The following CYSTM1 variants were observed in gnomAD, a reference collection of about 807,000 sequenced individuals.
CYSTM1 encodes cysteine rich transmembrane module containing 1.
A neutral mutation model predicts 13.1 loss-of-function variants in CYSTM1; 4 were observed. The ratio of observed to expected loss-of-function variants is 0.31; its 90% CI spans 0.15 to 0.70. The LOEUF is 0.70. Among genes scored for constraint, CYSTM1 ranks in the 30% least tolerant of loss-of-function variants. The pLI is 0.72. For synonymous variants in CYSTM1, 36 were observed against 42.7 expected (o/e 0.84, Z 0.62); for missense variants, 96 against 121.6 (o/e 0.79, Z 0.99).
At chr5:140,205,593 T>A (rs1434091367) in intron 2 of CYSTM1, among the ~76,000 whole-genome samples, 2 of 152,144 alleles carry the variant, frequency 1.3e-5, no homozygotes, top group African/African-American at 4.8e-5. Context: ...AGGTAGAGTT[T>A]TTCCAGTTCC....
chr5:140,192,180 C>T (rs563662555), intron 1 of CYSTM1, among the ~76,000 whole-genome samples: 1 of 152,296 alleles, frequency 6.6e-6, no homozygotes, highest in South Asian at 2.1e-4. Context: ...TCAAATGACA[C>T]TCTCTTGATC....
intron 2 of CYSTM1, among the ~76,000 whole-genome samples, chr5:140,197,713 T>C (rs1232686680): frequency 6.6e-6 from 1 of 152,240 alleles, no homozygotes; most frequent in African/African-American, 2.4e-5. Flanking sequence ...AGCTGAATGA[T>C]TTTAGATTTA....
At chr5:140,240,086 C>T (rs1385806461) in intron 2 of CYSTM1, among the ~76,000 whole-genome samples, 1 of 152,064 alleles carries the variant, frequency 6.6e-6, no homozygotes, top group Non-Finnish European at 1.5e-5. Flanking sequence ...TCTGAGCAGC[C>T]ACAGCAGGCA....
At chr5:140,231,999 G>A (rs1169750464) in intron 2 of CYSTM1, among the ~76,000 whole-genome samples, 3 of 152,194 alleles carry the variant, frequency 2.0e-5, no homozygotes, top group Admixed American at 6.5e-5. Context: ...AGGTACACAT[G>A]GTGATTATGG....
intron 1 of CYSTM1, among the ~76,000 whole-genome samples, chr5:140,177,078 A>AAAAACAAAAAAAC (rs1554131560): frequency 1.3e-4 from 17 of 135,614 alleles, no homozygotes; most frequent in South Asian, 2.4e-4. Flanking sequence ...CAAAAAAAAA[A>AAAAACAAAAAAAC]AAAAAAAAAT....
intron 2 of CYSTM1, among the ~76,000 whole-genome samples, chr5:140,210,121 A>T (rs1344786795): frequency 6.6e-6 from 1 of 152,092 alleles, no homozygotes; most frequent in Non-Finnish European, 1.5e-5. Flanking sequence ...TACTTTCTCA[A>T]ATCATTTTCA....
intron 2 of CYSTM1, among the ~76,000 whole-genome samples, chr5:140,242,551 G>A (rs1318089025): frequency 1.3e-5 from 2 of 152,158 alleles, no homozygotes. Context: ...TGTCCTTATG[G>A]GAAGAGAAGC....
At chr5:140,178,129 A>AG (rs1297130409) in intron 1 of CYSTM1, among the ~76,000 whole-genome samples, 2 of 152,228 alleles carry the variant, frequency 1.3e-5, no homozygotes, top group East Asian at 3.9e-4. Flanking sequence ...CTCTTTCTTA[A>AG]GGGGGACTGG....
chr5:140,179,400 A>G (rs1374948939), intron 1 of CYSTM1, among the ~76,000 whole-genome samples: 3 of 151,900 alleles, frequency 2.0e-5, no homozygotes, highest in African/African-American at 7.2e-5. Context: ...CTCTACTAAA[A>G]TTACAAAAAC....
rs1190986047 is a variant in CYSTM1, at chr5:140,230,466, T to C, written c.188-12839T>C. On this transcript the variant is annotated intron_variant, in intron 2 of 2. Coordinates refer to ENST00000261811, the MANE Select transcript of CYSTM1 (RefSeq NM_032412.4). This position sits in a 1 kb window ranked among gnomAD's most constrained non-coding sequence, Gnocchi z 4.1. ...GGGTGGATTCCAGGATGAGAGATGG[T>C]TGATGGAAGGAAAGAAGAGGTTTGG... 1.3e-5 allele frequency among the ~76,000 whole-genome samples: 2 copies of C among 152,164 alleles called. No individual in the cohort carries two copies. The highest frequency in any genetic ancestry group is 4.8e-5 in the African/African-American group (2 of 41,440).
intron 2 of CYSTM1, among the ~76,000 whole-genome samples, chr5:140,241,054 T>C (rs1764740893): frequency 6.6e-6 from 1 of 152,250 alleles, no homozygotes; most frequent in South Asian, 2.1e-4. Flanking sequence ...TCCTCCATTT[T>C]GTAGCTGCTG....
At chr5:140,178,328 C>A (rs1303459850) in intron 1 of CYSTM1, among the ~76,000 whole-genome samples, 2 of 151,730 alleles carry the variant, frequency 1.3e-5, no homozygotes, top group Non-Finnish European at 2.9e-5. Context: ...TTGAGCTCCT[C>A]CAAAGCAGAA....
chr5:140,204,930 A>G (rs191711571), intron 2 of CYSTM1, among the ~76,000 whole-genome samples: 3 of 152,274 alleles, frequency 2.0e-5, no homozygotes, highest in African/African-American at 4.8e-5. Context: ...TTTAACTCCC[A>G]TAAGTCCAGA....
intron 2 of CYSTM1, among the ~76,000 whole-genome samples, chr5:140,209,342 C>T (rs1764336114): frequency 6.6e-6 from 1 of 150,482 alleles, no homozygotes; most frequent in South Asian, 2.1e-4. Context: ...TCTCAGCTCA[C>T]TGCAACCTCC....
Position 140,229,771 on chromosome 5 carries a change from C to T in CYSTM1, c.188-13534C>T, listed in dbSNP as rs535364408. Among the ~76,000 whole-genome samples, 4 of 152,266 alleles carry T rather than the reference C, an allele frequency of 2.6e-5. No homozygotes were observed. The East Asian group carries it at 5.8e-4, about 22-fold the overall frequency. ...GGAGTGCAATGGCATGATCTTGGCT[C>T]ACTGCAACCTCCGCCTCCCTGGTTC... On this transcript the variant is annotated intron_variant, in intron 2 of 2. Coordinates refer to ENST00000261811, the MANE Select transcript of CYSTM1 (RefSeq NM_032412.4).
intron 2 of CYSTM1, among the ~76,000 whole-genome samples, chr5:140,196,134 T>G (rs1287320864): frequency 6.6e-6 from 1 of 152,200 alleles, no homozygotes; most frequent in Non-Finnish European, 1.5e-5. Flanking sequence ...TATGAAGTTA[T>G]TCCCATTTTA....
chr5:140,188,647 C>T (rs1445442185), intron 1 of CYSTM1, among the ~76,000 whole-genome samples: 1 of 151,908 alleles, frequency 6.6e-6, no homozygotes, highest in African/African-American at 2.4e-5. Flanking sequence ...GGCGCAGTGG[C>T]GGGCGCCTGT....
intron 2 of CYSTM1, among the ~76,000 whole-genome samples, chr5:140,226,634 C>T (rs1460848469): frequency 1.8e-4 from 20 of 109,634 alleles, no homozygotes; most frequent in African/African-American, 1.3e-4. Flanking sequence ...GATGTGATGG[C>T]GCATGCCTGT....
chr5:140,241,725 G>A (rs1158529080), intron 2 of CYSTM1, among the ~76,000 whole-genome samples: 13 of 152,148 alleles, frequency 8.5e-5, no homozygotes. Flanking sequence ...AGATGGAAGG[G>A]ACACTCTGCC....
Sources: gnomAD v4.1 joint callset for allele counts (sites outside exome capture counted in the v4.1 genomes callset) on GRCh38, gnomAD v4.1.1 for gene constraint, Gnocchi (gnomAD v3.1) non-coding constraint, MANE v1.5 for transcripts, NCBI Gene and HGNC (gene_info 2026-07-23, HGNC 2026-07-21) for gene names.